Variants in PTPRQ observed in about 807,000 individuals in gnomAD.
PTPRQ encodes phosphatidylinositol phosphatase PTPRQ.
Under a neutral mutation model 246.0 loss-of-function variants are expected in PTPRQ, and 199 were observed. That is an observed-to-expected ratio of 0.81 (90% CI 0.72 to 0.91). The LOEUF is 0.91. PTPRQ is among the 40% of genes least tolerant of loss of function. The pLI, the probability that PTPRQ is intolerant of heterozygous loss-of-function variation, is 0.00. For missense variants in PTPRQ, 2,624 were observed against 2,528.4 expected (o/e 1.04, Z -0.81); for synonymous variants, 869 against 853.2 (o/e 1.02, Z -0.32).
intron 38 of PTPRQ, among the ~76,000 whole-genome samples, chr12:80,654,984 GT>G (rs887410047): frequency 2.1e-4 from 32 of 152,168 alleles, no homozygotes; most frequent in African/African-American, 6.3e-4. Context: ...AGATCAGAAA[GT>G]TTTTTTGCTG....
At chr12:80,520,751 AGTCTATCATT>A (rs936954588) in intron 17 of PTPRQ, among the ~76,000 whole-genome samples, 120 of 152,052 alleles carry the variant, frequency 7.9e-4, no homozygotes, top group African/African-American at 2.8e-3. Flanking sequence ...TTCTTAATCC[AGTCTATCATT>A]GTTGGACATT....
At position 80,534,021 on chromosome 12, in the gene PTPRQ, A is replaced by G. The variant is rs1466391838; in HGVS notation, c.2685A>G (p.Arg895=). ...AATATTCTTTTTATCTCAGGAATAG[A>G]TCATCATTAAAAACTATTAATGTCA... ...ILYYTVYVWN[R]SSLKTINVTE... The change falls in exon 18 of 45, where the codon AGA becomes AGG. Residue 895 remains arginine, a synonymous_variant. Coordinates refer to ENST00000644991, the MANE Select transcript of PTPRQ (RefSeq NM_001145026.2). 3 of 1,493,416 alleles carry G rather than the reference A, an allele frequency of 2.0e-6. No individual in the cohort carries two copies. The South Asian group carries it at 4.2e-5, about 21-fold the overall frequency. 92.5% of individuals were successfully genotyped at this position (1,493,416 alleles called of 1,614,324 possible).
rs1044501580 is a variant in PTPRQ, at chr12:80,649,805, G to A, written c.6024+136G>A. ...TCAATACCCAATTACCAGGTTGATT[G>A]TTTTGATAGTAATGTTACACTGGGC... On this transcript the variant is annotated intron_variant, in intron 37 of 44. Coordinates refer to ENST00000644991, the MANE Select transcript of PTPRQ (RefSeq NM_001145026.2). 2.3e-5 allele frequency: 29 copies of A among 1,288,438 alleles called. No homozygotes were observed. The East Asian group carries it at 6.8e-4, about 30-fold the overall frequency. 79.8% of individuals were successfully genotyped at this position (1,288,438 alleles called of 1,614,324 possible).
chr12:80,499,862 C>A (rs1894742381), intron 14 of PTPRQ, among the ~76,000 whole-genome samples: 1 of 151,862 alleles, frequency 6.6e-6, no homozygotes, highest in East Asian at 1.9e-4. Flanking sequence ...TTTATTTTCT[C>A]ATACTTAGGG....
intron 28 of PTPRQ, among the ~76,000 whole-genome samples, chr12:80,611,862 A>G (rs750447530): frequency 1.3e-5 from 2 of 150,486 alleles, no homozygotes; most frequent in Non-Finnish European, 3.0e-5. Flanking sequence ...AAATGCAAAA[A>G]TATCTCTCTT....
intron 14 of PTPRQ, among the ~76,000 whole-genome samples, chr12:80,504,819 T>A (rs11114484): frequency 0.32 from 48,679 of 151,708 alleles, 9,070 homozygotes; most frequent in African/African-American, 0.51. Flanking sequence ...AAACAGCATA[T>A]TATTTATTTC....
chr12:80,600,290 A>T (rs1158551673), intron 26 of PTPRQ, among the ~76,000 whole-genome samples: 1 of 151,670 alleles, frequency 6.6e-6, no homozygotes, highest in African/African-American at 2.4e-5. Context: ...ACACTCCCTG[A>T]TGAGAGATTT....
intron 3 of PTPRQ, among the ~76,000 whole-genome samples, chr12:80,446,834 G>A (rs929314251): frequency 2.6e-5 from 4 of 151,870 alleles, no homozygotes; most frequent in African/African-American, 9.7e-5. Context: ...AGATACTTAG[G>A]TTGATTCCAT....
intron 25 of PTPRQ, 74 bp downstream of exon 25, chr12:80,549,808 C>T: frequency 6.9e-7 from 1 of 1,454,918 alleles, no homozygotes; most frequent in Non-Finnish European, 9.1e-7. Flanking sequence ...CACCTGCAAT[C>T]TTTATAGCAT....
At chr12:80,557,197 C>G (rs1349746047) in intron 25 of PTPRQ, among the ~76,000 whole-genome samples, 2 of 151,990 alleles carry the variant, frequency 1.3e-5, no homozygotes, top group Non-Finnish European at 2.9e-5. Context: ...TCTTCTCAAT[C>G]CAGTTATCTG....
chr12:80,493,933 A>G (rs1894530362), intron 10 of PTPRQ, among the ~76,000 whole-genome samples: 1 of 152,028 alleles, frequency 6.6e-6, no homozygotes, highest in South Asian at 2.1e-4. Flanking sequence ...CTTGCTCTTC[A>G]GTGTCAGTGG....
intron 35 of PTPRQ, among the ~76,000 whole-genome samples, chr12:80,642,918 TTAAA>T (rs1899923931): frequency 2.9e-5 from 2 of 69,372 alleles, no homozygotes; most frequent in Admixed American, 1.6e-4. Context: ...AGACTCCGTC[TTAAA>T]AAAAAAAAAA....
Position 80,539,744 on chromosome 12 carries a change from C to T in PTPRQ, c.2986-32C>T, listed in dbSNP as rs776955365. ...AGTGTTCATGCATACTAAAAAAATACATTCTGAACAATGAATGTGTTTATT... is the reference window on the plus strand; with the variant it reads ...AGTGTTCATGCATACTAAAAAAATATATTCTGAACAATGAATGTGTTTATT... On this transcript the variant is annotated intron_variant, in intron 19 of 44. Coordinates refer to ENST00000644991, the MANE Select transcript of PTPRQ (RefSeq NM_001145026.2). 20 of 1,494,330 alleles carry T rather than the reference C, an allele frequency of 1.3e-5. No individual in the cohort carries two copies. In the South Asian group the frequency reaches 2.7e-4, roughly 20 times the overall value. The allele number at this position is 1,494,330 out of a possible 1,614,324, so 92.6% of individuals were successfully genotyped here. A position where few individuals can be genotyped will look rare whatever the true frequency, so the allele number is the denominator to read the frequency against.
At chr12:80,558,476 T>C (rs1459771142) in intron 25 of PTPRQ, among the ~76,000 whole-genome samples, 1 of 150,890 alleles carries the variant, frequency 6.6e-6, no homozygotes, top group Non-Finnish European at 1.5e-5. Context: ...CCTTTTTTTT[T>C]TTTTTTTTTT....
chr12:80,592,467 A>G (rs79321813), intron 26 of PTPRQ, among the ~76,000 whole-genome samples: 2,248 of 152,258 alleles, frequency 0.015, 67 homozygotes, highest in African/African-American at 0.051. Flanking sequence ...ATAATTTGAG[A>G]TTATATGGGG....
At chr12:80,549,807 T>C in intron 25 of PTPRQ, 73 bp downstream of exon 25, 3 of 1,457,502 alleles carry the variant, frequency 2.1e-6, no homozygotes, top group Non-Finnish European at 2.7e-6. Context: ...CCACCTGCAA[T>C]CTTTATAGCA....
Position 80,495,354 on chromosome 12 carries a change from A to G in PTPRQ, c.1865A>G (p.Asn622Ser). The change falls in exon 12 of 45, where the codon AAC becomes AGC. Residue 622 changes from asparagine (N) to serine (S), a missense_variant. Asn to Ser is a conservative substitution (Grantham distance 46). Transcript: ENST00000644991. ...NRAFQITTID[N>S]SFLITGLKKY... Reference sequence around the variant, plus strand: ...GCATTCCAGATAACTACCATAGATAACAGCTTTCTCATAACAGGTAGAAAA... The same window carrying G: ...GCATTCCAGATAACTACCATAGATAGCAGCTTTCTCATAACAGGTAGAAAA... The G allele has an allele frequency of 2.0e-6, 3 of 1,515,314 alleles. No homozygotes were observed. Among genetic ancestry groups the G allele is most frequent in the Non-Finnish European group, 2.6e-6 (3 of 1,136,284 alleles). The allele number at this position is 1,515,314 out of a possible 1,614,324, so 93.9% of individuals were successfully genotyped here. A position where few individuals can be genotyped will look rare whatever the true frequency, so the allele number is the denominator to read the frequency against.
intron 26 of PTPRQ, among the ~76,000 whole-genome samples, chr12:80,594,320 T>G (rs1897899266): frequency 6.6e-6 from 1 of 152,154 alleles, no homozygotes; most frequent in South Asian, 2.1e-4. Context: ...GAGTCTATAA[T>G]TCAAGACATT....
At chr12:80,476,194 G>A (rs1893805307) in intron 8 of PTPRQ, among the ~76,000 whole-genome samples, 1 of 152,024 alleles carries the variant, frequency 6.6e-6, no homozygotes, top group Admixed American at 6.6e-5. Context: ...GATGGAATAG[G>A]AGCTTTGCTA....
Sources: allele counts gnomAD v4.1 joint callset (sites outside exome capture counted in the v4.1 genomes callset), GRCh38; gene constraint gnomAD v4.1.1; transcripts MANE v1.5; gene names NCBI Gene and HGNC (gene_info 2026-07-23, HGNC 2026-07-21).